DZANK1: variants seen among roughly 807,000 people sequenced by gnomAD.
DZANK1 encodes double zinc ribbon and ankyrin repeat domains 1.
A neutral mutation model predicts 94.5 loss-of-function variants in DZANK1; 91 were observed. The observed-to-expected ratio is 0.96, with a 90% CI of 0.81 to 1.15. The LOEUF (loss-of-function observed/expected upper bound fraction) is 1.15. Among genes scored for constraint, DZANK1 ranks in the 50% most tolerant of loss-of-function variants. The pLI is 0.00. For missense variants in DZANK1, 903 were observed against 916.4 expected, an observed-to-expected ratio of 0.99 and a Z score of 0.19; for synonymous variants, 312 against 325.3, an observed-to-expected ratio of 0.96 and a Z score of 0.44.
rs202120984 is a variant in DZANK1, at chr20:18,412,858, G to C, written c.1243-23C>G. 489 of 1,611,068 alleles carry C rather than the reference G, an allele frequency of 3.0e-4. 2 individuals are homozygous for C. Among genetic ancestry groups the C allele is most frequent in the South Asian group, 1.8e-3 (166 of 90,642 alleles). On this transcript the variant is annotated intron_variant, in intron 12 of 20. Transcript: ENST00000262547. ...GGACTGCCAGGCACATCGGGGCCAT[G>C]CGTGAGGCAGAAGACATTTTTAAAA... is the stretch of plus-strand genomic sequence containing the variant.
intron 17 of DZANK1, 125 bp from the exon 18 acceptor site, chr20:18,390,584 G>C: frequency 1.2e-6 from 1 of 803,792 alleles, no homozygotes; most frequent in Non-Finnish European, 2.1e-6. Flanking sequence ...GCATGTGTGA[G>C]TGTGTGAGTG....
At chr20:18,409,504 T>A (rs570792629) in intron 13 of DZANK1, among the ~76,000 whole-genome samples, 1 of 151,788 alleles carries the variant, frequency 6.6e-6, no homozygotes, top group Non-Finnish European at 1.5e-5. Flanking sequence ...AGAATACTTA[T>A]GAAGTTCTTT....
chr20:18,395,602 C>A (rs2056295634), intron 15 of DZANK1, among the ~76,000 whole-genome samples: 2 of 152,072 alleles, frequency 1.3e-5, no homozygotes, highest in East Asian at 3.9e-4. Context: ...AGGTCATGCT[C>A]CCTCTCCTCC....
intron 9 of DZANK1, 90 bp downstream of exon 9, chr20:18,433,562 A>T: frequency 8.3e-7 from 1 of 1,210,522 alleles, no homozygotes. Context: ...AAAAATTGTT[A>T]CCCCATCCCA....
chr20:18,384,471 A>G (rs1347098180), exon 21 of DZANK1: 19 of 1,612,026 alleles, frequency 1.2e-5, no homozygotes, highest in African/African-American at 2.7e-5. Context: ...ACTTGGCAGC[A>G]AAGAGTGAGG....
At chr20:18,458,713 G>A (rs750727816) in intron 3 of DZANK1, among the ~76,000 whole-genome samples, 5 of 152,082 alleles carry the variant, frequency 3.3e-5, no homozygotes, top group African/African-American at 1.2e-4. Flanking sequence ...TCCATCCAGG[G>A]ATCACCTGAA....
chr20:18,432,204 A>G (rs2058312985), intron 9 of DZANK1, among the ~76,000 whole-genome samples: 1 of 152,210 alleles, frequency 6.6e-6, no homozygotes, highest in African/African-American at 2.4e-5. Flanking sequence ...TTTGGGTCAC[A>G]ACTAACACTT....
At chr20:18,464,099 A>C (rs1290117344) in intron 2 of DZANK1, among the ~76,000 whole-genome samples, 1 of 147,424 alleles carries the variant, frequency 6.8e-6, no homozygotes, top group South Asian at 2.1e-4. Context: ...TTTGAGATGG[A>C]GTCTTGTTCT....
At chr20:18,405,210 T>C (rs892267529) in intron 13 of DZANK1, among the ~76,000 whole-genome samples, 1 of 150,270 alleles carries the variant, frequency 6.7e-6, no homozygotes, top group African/African-American at 2.5e-5. Context: ...AAAATAAAAA[T>C]AAAAAAAGAA....
chr20:18,422,612 A>T (rs1267957367), intron 10 of DZANK1, among the ~76,000 whole-genome samples: 1 of 152,170 alleles, frequency 6.6e-6, no homozygotes, highest in Non-Finnish European at 1.5e-5. Context: ...GTGTATAAGA[A>T]ACATAAAGAA....
At chr20:18,445,825 C>T (rs1042752363) in intron 7 of DZANK1, among the ~76,000 whole-genome samples, 3 of 152,134 alleles carry the variant, frequency 2.0e-5, no homozygotes, top group Non-Finnish European at 4.4e-5. Flanking sequence ...GGCATGATCT[C>T]GGCTCACTGC....
Position 18,455,318 on chromosome 20 carries a change from C to T in DZANK1, c.307G>A (p.Asp103Asn), listed in dbSNP as rs767746386. 3.0e-5 allele frequency: 48 copies of T among 1,608,794 alleles called. No homozygotes were observed. In the East Asian group the frequency reaches 1.1e-3, roughly 36 times the overall value. ...GAGACTATATTTGGTGGTTCATAGT[C>T]TACGTGAAACACCTTTGTCACAATG... The change falls in exon 4 of 21, where the codon GAC becomes AAC. Residue 103 changes from aspartate (D) to asparagine (N), a missense_variant. Transcript: ENST00000262547.
intron 20 of DZANK1, 54 bp downstream of exon 20, chr20:18,384,962 T>C: frequency 6.7e-7 from 1 of 1,490,614 alleles, no homozygotes; most frequent in Non-Finnish European, 9.2e-7. Flanking sequence ...TCACAGGCCA[T>C]TAGGGAGATC....
chr20:18,455,331 C>A (rs1369456491), exon 4 of DZANK1: 1 of 1,607,394 alleles, frequency 6.2e-7, no homozygotes, highest in African/African-American at 1.3e-5. Context: ...CGTGAAACAC[C>A]TTTGTCACAA....
At chr20:18,409,211 A>T (rs896885038) in intron 13 of DZANK1, among the ~76,000 whole-genome samples, 1 of 152,318 alleles carries the variant, frequency 6.6e-6, no homozygotes. Context: ...ACAAGTTTCA[A>T]GTAGGATAAA....
chr20:18,453,909 G>A (rs530941138), intron 4 of DZANK1, 82 bp from the exon 5 acceptor site: 2 of 909,764 alleles, frequency 2.2e-6, no homozygotes, highest in East Asian at 4.8e-5. Flanking sequence ...AAGTGTCATG[G>A]TGTGCATTTC....
At chr20:18,449,243 G>A (rs1051915183) in intron 6 of DZANK1, among the ~76,000 whole-genome samples, 174 bp from the exon 7 acceptor site, 1 of 152,080 alleles carries the variant, frequency 6.6e-6, no homozygotes, top group Non-Finnish European at 1.5e-5. Context: ...GAAAAGGCGA[G>A]GGCTGAAAAA....
chr20:18,435,262 A>G (rs1266589451), intron 8 of DZANK1, among the ~76,000 whole-genome samples: 1 of 152,238 alleles, frequency 6.6e-6, no homozygotes, highest in Non-Finnish European at 1.5e-5. Context: ...ATGCTGACCC[A>G]AAGGTAAACA....
intron 5 of DZANK1, among the ~76,000 whole-genome samples, chr20:18,453,120 G>A (rs2059162418): frequency 6.6e-6 from 1 of 152,176 alleles, no homozygotes; most frequent in African/African-American, 2.4e-5. Flanking sequence ...GAGAAACCCT[G>A]TTCTCTTAAA....
Sources: allele counts gnomAD v4.1 joint callset (sites outside exome capture counted in the v4.1 genomes callset), GRCh38; gene constraint gnomAD v4.1.1; transcripts MANE v1.5; gene names NCBI Gene and HGNC (gene_info 2026-07-23, HGNC 2026-07-21).